PRDM6: variants seen among roughly 807,000 people sequenced by gnomAD.
PRDM6 encodes putative histone-lysine N-methyltransferase PRDM6.
In PRDM6, 25 loss-of-function variants were observed where a neutral mutation model predicts 60.8. That is an observed-to-expected ratio of 0.41 (90% confidence interval 0.30 to 0.57). The LOEUF (loss-of-function observed/expected upper bound fraction) is 0.57, where lower values mean the gene tolerates loss of function less well. Among genes scored for constraint, PRDM6 ranks in the 20% least tolerant of loss-of-function variants. The pLI is 0.27. For synonymous variants in PRDM6, 407 were observed against 357.4 expected, an observed-to-expected ratio of 1.14 and a Z score of -1.57; for missense variants, 839 against 821.3, an observed-to-expected ratio of 1.02 and a Z score of -0.26.
intron 3 of PRDM6, 102 bp from the exon 4 acceptor site, chr5:123,155,782 C>T: frequency 7.4e-7 from 1 of 1,342,380 alleles, no homozygotes; most frequent in East Asian, 2.5e-5. Flanking sequence ...AACCTAAGGG[C>T]AATAAATTTC....
intron 3 of PRDM6, among the ~76,000 whole-genome samples, chr5:123,111,203 T>C (rs1001236806): frequency 2.0e-5 from 3 of 152,198 alleles, no homozygotes; most frequent in Admixed American, 6.5e-5. Flanking sequence ...GTTAGGTATA[T>C]TTATTTTGCC....
chr5:123,124,858 T>C (rs1045237197), intron 3 of PRDM6, among the ~76,000 whole-genome samples: 2 of 152,144 alleles, frequency 1.3e-5, no homozygotes, highest in African/African-American at 2.4e-5. Flanking sequence ...GTATTTTTTT[T>C]CTACGTGTAA....
chr5:123,148,870 A>G (rs1765309581), intron 3 of PRDM6, among the ~76,000 whole-genome samples: 1 of 152,216 alleles, frequency 6.6e-6, no homozygotes. Flanking sequence ...ATGTGATGAA[A>G]AAAGCAATAA....
chr5:123,142,015 T>G (rs1765114292), intron 3 of PRDM6, among the ~76,000 whole-genome samples: 1 of 152,174 alleles, frequency 6.6e-6, no homozygotes, highest in African/African-American at 2.4e-5. Context: ...TATGTGGACT[T>G]TTAGAAAATA....
At chr5:123,159,309 T>C (rs917666767) in intron 4 of PRDM6, among the ~76,000 whole-genome samples, 3 of 152,186 alleles carry the variant, frequency 2.0e-5, no homozygotes, top group Admixed American at 1.3e-4. Flanking sequence ...GGGAGGGTCA[T>C]TGTGGAAATA....
intron 3 of PRDM6, among the ~76,000 whole-genome samples, chr5:123,150,111 C>A (rs1765340868): frequency 6.6e-6 from 1 of 152,130 alleles, no homozygotes; most frequent in Non-Finnish European, 1.5e-5. Flanking sequence ...AGATGTCCAG[C>A]ATTGTTTTCA....
chr5:123,135,993 A>G (rs890011953), intron 3 of PRDM6, among the ~76,000 whole-genome samples: 2 of 152,216 alleles, frequency 1.3e-5, no homozygotes, highest in Admixed American at 1.3e-4. Flanking sequence ...AAAGGAAATT[A>G]AAGTATGAAA....
intron 3 of PRDM6, among the ~76,000 whole-genome samples, chr5:123,137,419 A>G (rs968157811): frequency 1.3e-5 from 2 of 152,210 alleles, no homozygotes; most frequent in Admixed American, 1.3e-4. Flanking sequence ...TCTAGCACAC[A>G]TTGCTAGGGC....
chr5:123,156,116 G>A (rs1765492880), intron 4 of PRDM6, 105 bp downstream of exon 4: 2 of 1,126,646 alleles, frequency 1.8e-6, no homozygotes, highest in Non-Finnish European at 2.5e-6. Flanking sequence ...GCAGAACTCT[G>A]CAAGGACTGG....
At chr5:123,145,023 T>C (rs1765207683) in intron 3 of PRDM6, among the ~76,000 whole-genome samples, 2 of 152,204 alleles carry the variant, frequency 1.3e-5, no homozygotes, top group Non-Finnish European at 2.9e-5. Context: ...CCAAGCACCA[T>C]GCTAATGCCT....
chr5:123,142,877 CAAAAAAAAA>C, intron 3 of PRDM6, among the ~76,000 whole-genome samples: 1 of 27,368 alleles, frequency 3.7e-5, no homozygotes, highest in South Asian at 2.0e-3. Context: ...CAGTGAAGAC[CAAAAAAAAA>C]AAAAAAAAAA....
chr5:123,171,621 T>C (rs1241368547), intron 6 of PRDM6, among the ~76,000 whole-genome samples: 1 of 152,204 alleles, frequency 6.6e-6, no homozygotes, highest in African/African-American at 2.4e-5. Flanking sequence ...AAATACCTAC[T>C]CTGCTAGTGA....
intron 3 of PRDM6, among the ~76,000 whole-genome samples, chr5:123,135,467 T>G (rs1764932901): frequency 6.6e-6 from 1 of 152,178 alleles, no homozygotes; most frequent in South Asian, 2.1e-4. Context: ...AGGTGGCTTG[T>G]GCATGTCCAA....
intron 2 of PRDM6, among the ~76,000 whole-genome samples, chr5:123,097,194 A>G (rs1007572204): frequency 6.6e-6 from 1 of 152,224 alleles, no homozygotes; most frequent in Non-Finnish European, 1.5e-5. Flanking sequence ...GACATTATCT[A>G]TGTATTTTCC....
chr5:123,092,206 T>C (rs1391361379), intron 2 of PRDM6, among the ~76,000 whole-genome samples: 1 of 152,248 alleles, frequency 6.6e-6, no homozygotes, highest in Non-Finnish European at 1.5e-5. Flanking sequence ...AAAATACTTA[T>C]CTCCTACTGA....
intron 3 of PRDM6, among the ~76,000 whole-genome samples, chr5:123,128,141 G>C (rs995979010): frequency 2.2e-4 from 34 of 152,268 alleles, no homozygotes; most frequent in Admixed American, 1.8e-3. Context: ...GTGTATATGT[G>C]CCACATTTTC....
chr5:123,190,192 A>G lies in PRDM6; in HGVS notation c.*2991A>G, dbSNP rs772097850. ...TTTCTTTCAATGGGGATAAAATAAT[A>G]ATAATTTTTTCAGAATAAGACTTTT... On this transcript the variant is annotated 3_prime_UTR_variant, in exon 8 of 8. Coordinates refer to ENST00000407847, the MANE Select transcript of PRDM6 (RefSeq NM_001136239.4). 6 of 152,182 alleles carry G rather than the reference A, an allele frequency of 3.9e-5. No homozygotes were observed. The highest frequency in any genetic ancestry group is 5.9e-5 in the Non-Finnish European group (4 of 68,018). The allele number at this position is 152,182 out of a possible 1,614,324, so 9.4% of individuals were successfully genotyped here. A position where few individuals can be genotyped will look rare whatever the true frequency, so the allele number is the denominator to read the frequency against.
Position 123,155,396 on chromosome 5 carries a change from A to G in PRDM6, c.901-488A>G, listed in dbSNP as rs766064930. ...TCAGAGTCTGTTTTGCCAGTTCTTT[A>G]CGGCTCCATAACTCTCCAACTGCCT... On this transcript the variant is annotated intron_variant, in intron 3 of 7. Coordinates refer to ENST00000407847, the MANE Select transcript of PRDM6 (RefSeq NM_001136239.4). Among the ~76,000 whole-genome samples the G allele has an allele frequency of 1.5e-3, 231 of 149,298 alleles. 2 individuals are homozygous for G. Among genetic ancestry groups the G allele is most frequent in the Non-Finnish European group, 1.7e-3 (116 of 67,644 alleles).
chr5:123,090,350 G>T lies in PRDM6; in HGVS notation c.336G>T (p.Pro112=). 2.0e-6 allele frequency: 3 copies of T among 1,474,960 alleles called. No homozygotes were observed. Among genetic ancestry groups the T allele is most frequent in the Non-Finnish European group, 2.7e-6 (3 of 1,118,068 alleles). The allele number at this position is 1,474,960 out of a possible 1,614,324, so 91.4% of individuals were successfully genotyped here. Residue 112 remains proline, a synonymous_variant, in exon 2 of 8, where the codon CCG becomes CCT. Transcript: ENST00000407847. Reference sequence around the variant, plus strand: ...CGCTGGCTGGTCTCTCGGCCCTGCCGGTGTCGCAGCTGCCGGTGTTCGCGC... The same window carrying T: ...CGCTGGCTGGTCTCTCGGCCCTGCCTGTGTCGCAGCTGCCGGTGTTCGCGC... ...AAALAGLSAL[P]VSQLPVFAPL... is the part of the protein sequence containing the mutation.
Sources: gnomAD v4.1 joint callset for allele counts (sites outside exome capture counted in the v4.1 genomes callset) on GRCh38, gnomAD v4.1.1 for gene constraint, MANE v1.5 for transcripts, NCBI Gene and HGNC (gene_info 2026-07-23, HGNC 2026-07-21) for gene names.